The following NMNAT2 variants were observed in gnomAD, a reference collection of about 807,000 sequenced individuals.
NMNAT2 encodes nicotinamide nucleotide adenylyltransferase 2.
A neutral mutation model predicts 41.6 loss-of-function variants in NMNAT2; 11 were observed. The observed-to-expected ratio is 0.26, with a 90% CI of 0.17 to 0.44. The LOEUF (loss-of-function observed/expected upper bound fraction) is 0.44, where lower values mean the gene tolerates loss of function less well. Among genes scored for constraint, NMNAT2 ranks in the 20% least tolerant of loss-of-function variants. The probability of loss-of-function intolerance (pLI) is 1.00; values close to 1 mark genes in which losing one functional copy is unlikely to be tolerated. For synonymous variants in NMNAT2, 148 were observed against 151.2 expected, an observed-to-expected ratio of 0.98 and a Z score of 0.16; for missense variants, 288 against 407.7, an observed-to-expected ratio of 0.71 and a Z score of 2.53.
chr1:183,383,452 T>C (rs964657821), intron 1 of NMNAT2, among the ~76,000 whole-genome samples: 2 of 152,150 alleles, frequency 1.3e-5, no homozygotes, highest in Admixed American at 6.5e-5. Context: ...CCAAAATGGG[T>C]TTTTCTTTTC....
intron 1 of NMNAT2, 143 bp from the exon 2 acceptor site, chr1:183,293,936 A>G: frequency 1.5e-6 from 1 of 652,794 alleles, no homozygotes; most frequent in Non-Finnish European, 2.7e-6. Flanking sequence ...GTCAACTTTC[A>G]AAGCAAATGT....
intron 1 of NMNAT2, among the ~76,000 whole-genome samples, chr1:183,362,226 A>G (rs1663321721): frequency 6.6e-6 from 1 of 152,188 alleles, no homozygotes; most frequent in South Asian, 2.1e-4. Flanking sequence ...GGCATGAGCC[A>G]CTACACCCAG....
intron 6 of NMNAT2, among the ~76,000 whole-genome samples, 153 bp from the exon 7 acceptor site, chr1:183,284,192 G>A (rs922069037): frequency 2.6e-5 from 4 of 152,204 alleles, no homozygotes; most frequent in Non-Finnish European, 5.9e-5. Flanking sequence ...GGTGAATGGA[G>A]AGCAGTCAGG....
chr1:183,269,326 G>A (rs1426958358), intron 8 of NMNAT2, among the ~76,000 whole-genome samples: 2 of 152,324 alleles, frequency 1.3e-5, no homozygotes. Context: ...CATGAAGACA[G>A]GGTTTCATTC....
chr1:183,265,342 C>T (rs1017679325), intron 8 of NMNAT2, among the ~76,000 whole-genome samples: 16 of 130,598 alleles, frequency 1.2e-4, no homozygotes, highest in Non-Finnish European at 1.7e-4. Flanking sequence ...TCTTGGCTCA[C>T]TGCAACCTCC....
intron 8 of NMNAT2, among the ~76,000 whole-genome samples, chr1:183,263,934 G>A (rs1271288182): frequency 6.6e-6 from 1 of 152,138 alleles, no homozygotes; most frequent in Non-Finnish European, 1.5e-5. Context: ...AGTGGTCTAA[G>A]TACTGAATTA....
intron 10 of NMNAT2, 108 bp from the exon 11 acceptor site, chr1:183,252,851 T>A: frequency 2.6e-6 from 2 of 782,728 alleles, no homozygotes; most frequent in South Asian, 1.5e-5. Context: ...TTTTCTCAGG[T>A]TGAGTAAATA....
At chr1:183,277,792 C>T (rs1661160064) in intron 8 of NMNAT2, among the ~76,000 whole-genome samples, 1 of 152,004 alleles carries the variant, frequency 6.6e-6, no homozygotes, top group South Asian at 2.1e-4. Flanking sequence ...AACAAACAAA[C>T]AAACAAAAAA....
At position 183,391,516 on chromosome 1, in the gene NMNAT2, T is replaced by C. The variant is rs553846062; in HGVS notation, c.85+26667A>G. On this transcript the variant is annotated intron_variant, in intron 1 of 10. Transcript: ENST00000287713. ...TTCCCATCTGCATAAAAGCATGCTG[T>C]TATTTCTCTCATCTTAAAAAAAAAT... Among the ~76,000 whole-genome samples, 4 of 150,290 alleles carry C rather than the reference T, an allele frequency of 2.7e-5. No individual in the cohort carries two copies. In the South Asian group the frequency reaches 8.6e-4, roughly 32 times the overall value.
chr1:183,408,769 A>G (rs1363110735), intron 1 of NMNAT2, among the ~76,000 whole-genome samples: 1 of 152,242 alleles, frequency 6.6e-6, no homozygotes, highest in African/African-American at 2.4e-5. Context: ...AATGGTGCTT[A>G]GCAAGATTGG....
chr1:183,284,096 A>C (rs1291244306), intron 6 of NMNAT2, 57 bp from the exon 7 acceptor site: 71 of 1,443,126 alleles, frequency 4.9e-5, no homozygotes, highest in South Asian at 3.7e-4. Flanking sequence ...GGTACCCAAC[A>C]CACAGTCTGC....
chr1:183,276,444 G>A (rs1266165057), intron 8 of NMNAT2, among the ~76,000 whole-genome samples: 1 of 152,226 alleles, frequency 6.6e-6, no homozygotes, highest in Non-Finnish European at 1.5e-5. Context: ...ATTTTGGAGA[G>A]AAGTTAGAGG....
chr1:183,379,090 A>G (rs561167362), intron 1 of NMNAT2, among the ~76,000 whole-genome samples: 25 of 111,662 alleles, frequency 2.2e-4, no homozygotes, highest in Admixed American at 1.4e-3. Flanking sequence ...ATCTATATCT[A>G]TAATCTATAA....
At chr1:183,363,184 T>C in intron 1 of NMNAT2, among the ~76,000 whole-genome samples, 1 of 152,248 alleles carries the variant, frequency 6.6e-6, no homozygotes, top group East Asian at 1.9e-4. Flanking sequence ...ATTGCAAGCA[T>C]GGTGTGTTGG....
At chr1:183,398,914 G>A (rs1165903230) in intron 1 of NMNAT2, among the ~76,000 whole-genome samples, 1 of 152,228 alleles carries the variant, frequency 6.6e-6, no homozygotes, top group Admixed American at 6.5e-5. Flanking sequence ...TCAAAGCAGT[G>A]TGTAGAGGGA....
chr1:183,314,723 A>T (rs572426085), intron 1 of NMNAT2, among the ~76,000 whole-genome samples: 1 of 152,226 alleles, frequency 6.6e-6, no homozygotes, highest in Non-Finnish European at 1.5e-5. Flanking sequence ...CACCTTAAAG[A>T]TAATAATTCA....
intron 1 of NMNAT2, among the ~76,000 whole-genome samples, chr1:183,399,578 T>G (rs1316688631): frequency 6.6e-6 from 1 of 152,214 alleles, no homozygotes; most frequent in African/African-American, 2.4e-5. Context: ...AGCATCATCC[T>G]GATACCAAAG....
intron 1 of NMNAT2, among the ~76,000 whole-genome samples, chr1:183,317,254 A>AGCATACC (rs1178832400): frequency 6.6e-6 from 1 of 152,168 alleles, no homozygotes; most frequent in Non-Finnish European, 1.5e-5. Context: ...CACATCCTCC[A>AGCATACC]GCATACCCTG....
chr1:183,414,844 T>A (rs763462337), intron 1 of NMNAT2, among the ~76,000 whole-genome samples: 5 of 152,218 alleles, frequency 3.3e-5, no homozygotes, highest in Non-Finnish European at 7.3e-5. Flanking sequence ...TTGTTTACAG[T>A]CTCTCTTTTT....
Sources: gnomAD v4.1 joint callset for allele counts (sites outside exome capture counted in the v4.1 genomes callset) on GRCh38, gnomAD v4.1.1 for gene constraint, MANE v1.5 for transcripts, NCBI Gene and HGNC (gene_info 2026-07-23, HGNC 2026-07-21) for gene names.